Variants in FSTL4 observed in about 807,000 individuals in gnomAD.
The protein encoded by FSTL4 is follistatin-related protein 4.
A neutral mutation model predicts 78.2 loss-of-function variants in FSTL4; 28 were observed. That is an observed-to-expected ratio of 0.36 (90% CI 0.27 to 0.49). The LOEUF is 0.49. FSTL4 is among the 20% of genes least tolerant of loss of function. The pLI, the probability that FSTL4 is intolerant of heterozygous loss-of-function variation, is 0.98. For missense variants in FSTL4, 922 were observed against 1,084.9 expected, an observed-to-expected ratio of 0.85 and a Z score of 2.11; for synonymous variants, 422 against 440.5, an observed-to-expected ratio of 0.96 and a Z score of 0.53.
intron 3 of FSTL4, among the ~76,000 whole-genome samples, chr5:133,443,419 C>G (rs1242463745): frequency 1.3e-5 from 2 of 152,240 alleles, no homozygotes; most frequent in Non-Finnish European, 2.9e-5. Context: ...GCAACTCATT[C>G]ATGGTGTTGG....
chr5:133,778,307 C>A, the FSTL4 span, among the ~76,000 whole-genome samples: 14 of 152,036 alleles, frequency 9.2e-5, no homozygotes, highest in Non-Finnish European at 1.5e-4. Context: ...TACCATCATT[C>A]TTTTTGCCTC....
intron 2 of FSTL4, among the ~76,000 whole-genome samples, chr5:133,595,685 C>T (rs1412433023): frequency 6.6e-6 from 1 of 152,208 alleles, no homozygotes; most frequent in African/African-American, 2.4e-5. Context: ...TCTGGGATGA[C>T]AAACACAAAA....
intron 3 of FSTL4, among the ~76,000 whole-genome samples, chr5:133,429,981 C>T (rs1756901884): frequency 6.6e-6 from 1 of 152,208 alleles, no homozygotes; most frequent in Admixed American, 6.5e-5. Flanking sequence ...ACACTGCATA[C>T]TATGAGTATT....
intron 3 of FSTL4, among the ~76,000 whole-genome samples, chr5:133,460,446 A>G (rs1327600826): frequency 3.9e-5 from 6 of 152,156 alleles, no homozygotes; most frequent in Non-Finnish European, 8.8e-5. Context: ...TGCAGTTTCC[A>G]GCTCAGTTAG....
chr5:133,438,915 C>A (rs567133337), intron 3 of FSTL4, among the ~76,000 whole-genome samples: 1 of 152,336 alleles, frequency 6.6e-6, no homozygotes, highest in East Asian at 1.9e-4. Context: ...CTGGGATGAG[C>A]GCGGATGCTC....
In FSTL4 at chr5:133,560,321, T is replaced by C. The variant is rs148952717; in HGVS notation, c.160+6865A>G. Among the ~76,000 whole-genome samples the C allele has an allele frequency of 2.9e-3, 443 of 152,292 alleles. 1 individual carries two copies. The highest frequency in any genetic ancestry group is 9.6e-3 in the African/African-American group (398 of 41,562). On this transcript the variant is annotated intron_variant, in intron 3 of 15. Transcript: ENST00000265342. ...AGGATGGGATGGTTTATATCTGTAA[T>C]GCTTAAGGATGATTTCTGACACCAG... is the stretch of plus-strand genomic sequence containing the variant.
intron 3 of FSTL4, among the ~76,000 whole-genome samples, chr5:133,422,405 AG>A (rs1306166942): frequency 6.6e-6 from 1 of 152,118 alleles, no homozygotes; most frequent in African/African-American, 2.4e-5. Context: ...GGGGGCACTG[AG>A]GAAGAGCGGA....
At chr5:133,436,920 A>T (rs903832178) in intron 3 of FSTL4, among the ~76,000 whole-genome samples, 1 of 152,230 alleles carries the variant, frequency 6.6e-6, no homozygotes, top group Non-Finnish European at 1.5e-5. Flanking sequence ...ATTTTGAATT[A>T]GAGTGGTGGT....
chr5:133,219,498 T>A (rs188433902), intron 12 of FSTL4, among the ~76,000 whole-genome samples: 4 of 152,320 alleles, frequency 2.6e-5, no homozygotes, highest in African/African-American at 9.6e-5. Flanking sequence ...TCACGCTGCC[T>A]CCTTCTGGAA....
chr5:133,538,527 TTGAC>T (rs1759401571), intron 3 of FSTL4, among the ~76,000 whole-genome samples: 1 of 152,294 alleles, frequency 6.6e-6, no homozygotes, highest in African/African-American at 2.4e-5. Context: ...TCATCAAACT[TTGAC>T]TGTTGGTTTT....
At chr5:133,462,857 G>C (rs531661709) in intron 3 of FSTL4, among the ~76,000 whole-genome samples, 13 of 152,316 alleles carry the variant, frequency 8.5e-5, no homozygotes, top group Middle Eastern at 3.4e-3. Context: ...ATTTGAGCCA[G>C]TTTGGGGCTT....
the FSTL4 span, among the ~76,000 whole-genome samples, chr5:133,838,258 A>G: frequency 6.6e-6 from 1 of 152,226 alleles, no homozygotes; most frequent in Non-Finnish European, 1.5e-5. Flanking sequence ...CTTTCCGAAG[A>G]CTTCAACTCA....
chr5:133,369,566 G>C (rs894131811), intron 4 of FSTL4, among the ~76,000 whole-genome samples: 2 of 152,190 alleles, frequency 1.3e-5, no homozygotes, highest in Admixed American at 1.3e-4. Flanking sequence ...GTCACAACCT[G>C]GTGAGGTTAG....
At chr5:133,430,989 C>G (rs890462556) in intron 3 of FSTL4, among the ~76,000 whole-genome samples, 1 of 152,074 alleles carries the variant, frequency 6.6e-6, no homozygotes, top group African/African-American at 2.4e-5. Context: ...TTAAATGCAA[C>G]CAGAATGGAC....
At chr5:133,811,477 A>G in the FSTL4 span, among the ~76,000 whole-genome samples, 1 of 152,204 alleles carries the variant, frequency 6.6e-6, no homozygotes, top group Admixed American at 6.5e-5. Context: ...AGCCAGCAGG[A>G]CTGCTGCCCG....
chr5:133,305,067 G>A (rs1467675935), intron 6 of FSTL4, among the ~76,000 whole-genome samples: 1 of 152,232 alleles, frequency 6.6e-6, no homozygotes, highest in Non-Finnish European at 1.5e-5. Context: ...AACATCAGGA[G>A]GTCTTAGATA....
chr5:133,772,572 G>A, the FSTL4 span, among the ~76,000 whole-genome samples: 1 of 152,126 alleles, frequency 6.6e-6, no homozygotes, highest in Non-Finnish European at 1.5e-5. Context: ...CTGGAGGCTG[G>A]GAAGTTCAAG....
chr5:133,506,624 G>A (rs915048279), intron 3 of FSTL4, among the ~76,000 whole-genome samples: 1 of 152,148 alleles, frequency 6.6e-6, no homozygotes, highest in African/African-American at 2.4e-5. Flanking sequence ...CTCTGTAACG[G>A]GGGAATAATT....
chr5:133,462,043 CA>C (rs1757604656), intron 3 of FSTL4, among the ~76,000 whole-genome samples: 1 of 152,174 alleles, frequency 6.6e-6, no homozygotes, highest in Admixed American at 6.5e-5. Context: ...AAGTGGGGGC[CA>C]TCTGCTTTCA....
Sources: allele counts gnomAD v4.1 joint callset (sites outside exome capture counted in the v4.1 genomes callset), GRCh38; gene constraint gnomAD v4.1.1; transcripts MANE v1.5; gene names NCBI Gene and HGNC (gene_info 2026-07-23, HGNC 2026-07-21).